The following ERGIC1 variants were observed in gnomAD, a reference collection of about 807,000 sequenced individuals.
ERGIC1 encodes the protein endoplasmic reticulum-golgi intermediate compartment 1.
Under a neutral mutation model 38.3 loss-of-function variants are expected in ERGIC1, and 19 were observed. The observed-to-expected ratio is 0.50, with a 90% CI of 0.35 to 0.73. The LOEUF (loss-of-function observed/expected upper bound fraction) is 0.73. Among genes scored for constraint, ERGIC1 ranks in the 30% least tolerant of loss-of-function variants. The probability of loss-of-function intolerance (pLI) is 0.01; values close to 1 mark genes in which losing one functional copy is unlikely to be tolerated. For missense variants in ERGIC1, 294 were observed against 389.2 expected, an observed-to-expected ratio of 0.76 and a Z score of 2.06; for synonymous variants, 124 against 157.6, an observed-to-expected ratio of 0.79 and a Z score of 1.60.
intron 1 of ERGIC1, among the ~76,000 whole-genome samples, chr5:172,850,012 G>C (rs533670168): frequency 1.7e-4 from 26 of 152,306 alleles, no homozygotes; most frequent in African/African-American, 5.8e-4. Flanking sequence ...AACCGAGGTG[G>C]CGTGATCTGA....
chr5:172,892,887 G>A (rs1762603570), intron 2 of ERGIC1, among the ~76,000 whole-genome samples: 1 of 152,114 alleles, frequency 6.6e-6, no homozygotes, highest in Non-Finnish European at 1.5e-5. Flanking sequence ...GCGTGTGATC[G>A]GGACCTTTGG....
In ERGIC1 at chr5:172,903,944, CAA is replaced by C. The variant is rs543274649; in HGVS notation, c.156-5722_156-5721del. Among the ~76,000 whole-genome samples, 32 of 149,038 alleles carry C rather than the reference CAA, an allele frequency of 2.1e-4. No homozygotes were observed. In the East Asian group the frequency reaches 5.5e-3, roughly 25 times the overall value. ...CCAAGAAGGGTGTGGAATCGGCCCT[CAA>C]GAGAGAGATGAGTCTCACACATACA... On this transcript the variant is annotated intron_variant, in intron 3 of 9. Transcript: ENST00000393784.
At chr5:172,928,036 T>C (rs514627) in intron 7 of ERGIC1, among the ~76,000 whole-genome samples, 60,892 of 151,886 alleles carry the variant, frequency 0.4, 12,702 homozygotes, top group African/African-American at 0.49. Context: ...TGCAAATGTC[T>C]GGTTGTAATA....
At chr5:172,916,914 G>A (rs1158897413) in intron 5 of ERGIC1, 1 of 152,220 alleles carries the variant, frequency 6.6e-6, no homozygotes, top group Non-Finnish European at 1.5e-5. Context: ...GAACCCGGGA[G>A]GTGGAGCTTG....
Position 172,924,070 on chromosome 5 carries a change from G to C in ERGIC1, c.441G>C (p.Thr147=). 6.2e-7 allele frequency: 1 copy of C among 1,614,182 alleles called. No individual in the cohort carries two copies. The highest frequency in any genetic ancestry group is 8.5e-7 in the Non-Finnish European group (1 of 1,180,046). ...CCCAGCCACAGAACCCAGACATGACGCATGTCATCCACAAGCTCTCCTTTG... is the reference window on the plus strand; with the variant it reads ...CCCAGCCACAGAACCCAGACATGACCCATGTCATCCACAAGCTCTCCTTTG... ...ATAQPQNPDM[T]HVIHKLSFGD... is the part of the protein sequence containing the mutation. Residue 147 remains threonine, a synonymous_variant, in exon 6 of 10, where the codon ACG becomes ACC. Coordinates refer to ENST00000393784, the MANE Select transcript of ERGIC1 (RefSeq NM_001031711.3).
intron 1 of ERGIC1, among the ~76,000 whole-genome samples, chr5:172,872,683 C>T (rs925810654): frequency 6.6e-6 from 1 of 152,160 alleles, no homozygotes; most frequent in Admixed American, 6.5e-5. Context: ...GGTGTGGTGG[C>T]ACATGCCTGT....
At chr5:172,904,146 C>T (rs1247303568) in intron 3 of ERGIC1, among the ~76,000 whole-genome samples, 1 of 152,010 alleles carries the variant, frequency 6.6e-6, no homozygotes, top group African/African-American at 2.4e-5. Context: ...CCTTCCTTTC[C>T]TTTCTTATTT....
chr5:172,837,834 G>A lies in ERGIC1; in HGVS notation c.20+3401G>A, dbSNP rs894021188. ...GGAACTAGCCTTGTGACCCACATCC[G>A]TGTGTGTTGTTTCGAGTTCCGGCTG... On this transcript the variant is annotated intron_variant, in intron 1 of 9. Transcript: ENST00000393784. This position sits in a 1 kb window ranked among gnomAD's most constrained non-coding sequence, Gnocchi z 4.3. Among the ~76,000 whole-genome samples, 2 of 150,152 alleles carry A rather than the reference G, an allele frequency of 1.3e-5. No individual in the cohort carries two copies. The highest frequency in any genetic ancestry group is 1.5e-5 in the Non-Finnish European group (1 of 68,032).
At chr5:172,946,753 C>T (rs904966179) in intron 9 of ERGIC1, among the ~76,000 whole-genome samples, 2 of 152,212 alleles carry the variant, frequency 1.3e-5, no homozygotes, top group Non-Finnish European at 2.9e-5. Context: ...TGTGACTCTA[C>T]GTCACCTCAT....
At chr5:172,877,770 T>G (rs1762183808) in intron 1 of ERGIC1, among the ~76,000 whole-genome samples, 1 of 152,190 alleles carries the variant, frequency 6.6e-6, no homozygotes, top group South Asian at 2.1e-4. Flanking sequence ...CTATTACAGC[T>G]GGTGCTGTGG....
chr5:172,885,138 G>T (rs142206205), intron 1 of ERGIC1, among the ~76,000 whole-genome samples: 28 of 152,036 alleles, frequency 1.8e-4, no homozygotes, highest in Non-Finnish European at 3.2e-4. Flanking sequence ...TTTATTTTAT[G>T]TATATTTTTG....
Position 172,872,717 on chromosome 5 carries a change from A to AG in ERGIC1, c.21-15980dup, listed in dbSNP as rs113711756. 5.9e-3 allele frequency among the ~76,000 whole-genome samples: 905 copies of AG among 152,314 alleles called. 8 individuals carry two copies. The highest frequency in any genetic ancestry group is 0.02 in the African/African-American group (845 of 41,562). On this transcript the variant is annotated intron_variant, in intron 1 of 9. Coordinates refer to ENST00000393784, the MANE Select transcript of ERGIC1 (RefSeq NM_001031711.3). ...GTAATCTCAGCTACTCAGGAGGCTG[A>AG]GGCAGGAGAATTGCTTGAGCCCGGG...
At chr5:172,855,332 G>A (rs532910620) in intron 1 of ERGIC1, among the ~76,000 whole-genome samples, 1 of 152,170 alleles carries the variant, frequency 6.6e-6, no homozygotes, top group Admixed American at 6.5e-5. Flanking sequence ...CCTCTCTGCT[G>A]GGGGCTCCAC....
intron 1 of ERGIC1, among the ~76,000 whole-genome samples, chr5:172,877,458 A>ATATATATTTT (rs58452182): frequency 1.2e-5 from 1 of 86,638 alleles, no homozygotes; most frequent in African/African-American, 4.3e-5. Context: ...ATATATATAT[A>ATATATATTTT]TTTTTTTTTT....
At position 172,841,254 on chromosome 5, in the gene ERGIC1, G is replaced by A. The variant is rs751986; in HGVS notation, c.20+6821G>A. ...TTGTTTAAAAAAAATCTTGACCCACGGGAGAGGCAGGGTGAACTCAGGGTT... is the reference window on the plus strand; with the variant it reads ...TTGTTTAAAAAAAATCTTGACCCACAGGAGAGGCAGGGTGAACTCAGGGTT... On this transcript the variant is annotated intron_variant, in intron 1 of 9. Transcript: ENST00000393784. 4.1e-3 allele frequency among the ~76,000 whole-genome samples: 618 copies of A among 152,306 alleles called. 5 individuals carry two copies. The highest frequency in any genetic ancestry group is 0.014 in the African/African-American group (564 of 41,548).
chr5:172,889,754 GA>G (rs749400853), intron 2 of ERGIC1, among the ~76,000 whole-genome samples: 82 of 152,152 alleles, frequency 5.4e-4, no homozygotes, highest in Non-Finnish European at 9.0e-4. Context: ...AAATGCTTAG[GA>G]CAAGTGTCTC....
At chr5:172,861,650 C>A (rs1424939239) in intron 1 of ERGIC1, among the ~76,000 whole-genome samples, 1 of 152,228 alleles carries the variant, frequency 6.6e-6, no homozygotes, top group African/African-American at 2.4e-5. Context: ...GTGCCTGACA[C>A]ATAGTAGGTA....
intron 3 of ERGIC1, among the ~76,000 whole-genome samples, chr5:172,907,111 C>CCT (rs1273905776): frequency 6.6e-6 from 1 of 152,240 alleles, no homozygotes; most frequent in African/African-American, 2.4e-5. Flanking sequence ...CAGCCCTCCT[C>CCT]CTCTCCATTC....
intron 5 of ERGIC1, among the ~76,000 whole-genome samples, chr5:172,923,357 G>GGGAGGAGGA (rs1763572938): frequency 6.7e-6 from 1 of 148,862 alleles, no homozygotes; most frequent in Non-Finnish European, 1.5e-5. Context: ...CTAAGCATCT[G>GGGAGGAGGA]GGAGGAGGAG....
Sources: gnomAD v4.1 joint callset for allele counts (sites outside exome capture counted in the v4.1 genomes callset) on GRCh38, gnomAD v4.1.1 for gene constraint, Gnocchi (gnomAD v3.1) non-coding constraint, MANE v1.5 for transcripts, NCBI Gene and HGNC (gene_info 2026-07-23, HGNC 2026-07-21) for gene names.